NT5C1B: variants seen among roughly 807,000 people sequenced by gnomAD.
NT5C1B encodes the protein cytosolic 5'-nucleotidase 1B.
A neutral mutation model predicts 57.8 loss-of-function variants in NT5C1B; 44 were observed. The observed-to-expected ratio is 0.76, with a 90% CI of 0.60 to 0.98. The LOEUF (loss-of-function observed/expected upper bound fraction) is 0.98, where lower values mean the gene tolerates loss of function less well. Ranked by LOEUF, NT5C1B falls within the 50% of genes least tolerant of loss-of-function variation. The pLI, the probability that NT5C1B is intolerant of heterozygous loss-of-function variation, is 0.00. For missense variants in NT5C1B, 742 were observed against 719.5 expected (o/e 1.03, Z -0.36); for synonymous variants, 284 against 282.6 (o/e 1.00, Z -0.05).
At chr2:18,574,616 G>A (rs563123958) in intron 8 of NT5C1B, among the ~76,000 whole-genome samples, 1 of 152,238 alleles carries the variant, frequency 6.6e-6, no homozygotes, top group Admixed American at 6.5e-5. Context: ...TAGAGAAAAT[G>A]TGGGATAAGA....
chr2:18,582,973 G>C (rs1666313536), exon 6 of NT5C1B: 1 of 1,613,928 alleles, frequency 6.2e-7, no homozygotes, highest in South Asian at 1.1e-5. Flanking sequence ...AGATCACGGA[G>C]TCTAGCATTG....
rs372961856 is a variant in NT5C1B, at chr2:18,584,293, G to C, written c.724-38C>G. On this transcript the variant is annotated intron_variant, in intron 4 of 8. Transcript: ENST00000304081. The surrounding 1 kb of genome is among the most constrained non-coding windows in gnomAD (Gnocchi z 5.8). ...ACGCCAAAGGGAGGATAGTCACATA[G>C]CCACGAAGAGGACAGGGTTGGGGCT... 6.2e-7 allele frequency: 1 copy of C among 1,602,332 alleles called. No individual in the cohort carries two copies. Among genetic ancestry groups the C allele is most frequent in the African/African-American group, 1.3e-5 (1 of 74,870 alleles).
chr2:18,574,866 G>A (rs556234108), intron 8 of NT5C1B, among the ~76,000 whole-genome samples: 4 of 152,138 alleles, frequency 2.6e-5, no homozygotes, highest in African/African-American at 9.6e-5. Context: ...AGTGCTGGAT[G>A]TGTTTATTAC....
intron 1 of NT5C1B, 29 bp downstream of exon 1, chr2:18,589,410 C>T (rs1422860493): frequency 1.2e-6 from 2 of 1,614,076 alleles, no homozygotes; most frequent in Admixed American, 3.3e-5. Flanking sequence ...AGCCCCATGG[C>T]AAGATTCTAA....
Position 18,583,814 on chromosome 2 carries a change from G to T in NT5C1B, c.891+274C>A. 3 of 628,342 alleles carry T rather than the reference G, an allele frequency of 4.8e-6. No homozygotes were observed. The Admixed American group carries it at 6.4e-5, about 13-fold the overall frequency. The allele number at this position is 628,342 out of a possible 1,614,324, so 38.9% of individuals were successfully genotyped here. A position where few individuals can be genotyped will look rare whatever the true frequency, so the allele number is the denominator to read the frequency against. On this transcript the variant is annotated intron_variant, in intron 5 of 8. Coordinates refer to ENST00000304081, the Ensembl canonical transcript of NT5C1B. ...CATTATGGCTTCTTAGCACTCCTTC[G>T]AGGGAGAGAGGTTTCTGTTACAAGT...
chr2:18,564,921 A>G (rs1316053680), intron 8 of NT5C1B, among the ~76,000 whole-genome samples: 1 of 152,152 alleles, frequency 6.6e-6, no homozygotes, highest in Admixed American at 6.5e-5. Flanking sequence ...AACCTTTTAT[A>G]GTACCCTCAG....
In NT5C1B at chr2:18,573,024, A is replaced by G. The variant is rs142182586; in HGVS notation, c.1329+3160T>C. ...AATGTTTAAAAGTAGCTTCATTTAT[A>G]AATGTCAAAGACTAGAAATGACCTA... On this transcript the variant is annotated intron_variant, in intron 8 of 8. Coordinates refer to ENST00000304081, the Ensembl canonical transcript of NT5C1B. Among the ~76,000 whole-genome samples, 279 of 152,314 alleles carry G rather than the reference A, an allele frequency of 1.8e-3. 1 individual carries two copies. The highest frequency in any genetic ancestry group is 6.5e-3 in the African/African-American group (270 of 41,574).
At position 18,586,237 on chromosome 2, in the gene NT5C1B, T is replaced by G; in HGVS notation, c.258+17A>C. On this transcript the variant is annotated intron_variant, in intron 3 of 8. Transcript: ENST00000304081. ...ATTATTCTATCATCTACTACTCCCT[T>G]TCATCTTTACCTCTACCTTAGCACT... The G allele has an allele frequency of 6.2e-7, 1 of 1,611,854 alleles. No homozygotes were observed. The highest frequency in any genetic ancestry group is 8.5e-7 in the Non-Finnish European group (1 of 1,178,958).
At chr2:18,588,082 T>A (rs996096755) in intron 1 of NT5C1B, among the ~76,000 whole-genome samples, 1 of 152,206 alleles carries the variant, frequency 6.6e-6, no homozygotes, top group Non-Finnish European at 1.5e-5. Context: ...CTTAATCTCA[T>A]ACAAATTTAT....
At chr2:18,569,638 AATTAAG>A (rs1422643799) in intron 8 of NT5C1B, among the ~76,000 whole-genome samples, 4 of 152,098 alleles carry the variant, frequency 2.6e-5, no homozygotes, top group African/African-American at 7.2e-5. Context: ...AAAAGATATT[AATTAAG>A]ATTAAGACAA....
At chr2:18,589,519 A>G in exon 1 of NT5C1B, 1 of 1,613,474 alleles carries the variant, frequency 6.2e-7, no homozygotes, top group Non-Finnish European at 8.5e-7. Context: ...TTGTCTCCCC[A>G]GCTCCATTTC....
chr2:18,564,183 C>CAGAG (rs550046673), intron 8 of NT5C1B, 64 bp from the exon 9 acceptor site: 2 of 1,493,822 alleles, frequency 1.3e-6, no homozygotes, highest in Non-Finnish European at 1.8e-6. Flanking sequence ...TGCTAAAAAG[C>CAGAG]AGAGACCTAT....
Position 18,584,743 on chromosome 2 carries a change from C to G in NT5C1B, c.494G>C (p.Arg165Pro). Residue 165 changes from arginine (R) to proline (P), a missense_variant, in exon 4 of 9, where the codon CGC becomes CCC. Transcript: ENST00000304081. This position sits in a 1 kb window ranked among gnomAD's most constrained non-coding sequence, Gnocchi z 5.8. ...CAGCGGCTGCGAGTCCCGGGTCTGGCGGATTTCCCGCACGATGCCTTGGGC... is the reference window on the plus strand; with the variant it reads ...CAGCGGCTGCGAGTCCCGGGTCTGGGGGATTTCCCGCACGATGCCTTGGGC... The G allele has an allele frequency of 2.5e-6, 4 of 1,613,304 alleles. No individual in the cohort carries two copies. Among genetic ancestry groups the G allele is most frequent in the Non-Finnish European group, 3.4e-6 (4 of 1,179,646 alleles).
At position 18,572,528 on chromosome 2, in the gene NT5C1B, A is replaced by G. The variant is rs187487589; in HGVS notation, c.1329+3656T>C. On this transcript the variant is annotated intron_variant, in intron 8 of 8. Transcript: ENST00000304081. ...TGAAAGACAAGCACAGGCTGAGAGA[A>G]GATATTTGTAAAACACACACCTGAT... Among the ~76,000 whole-genome samples the G allele has an allele frequency of 1.2e-3, 182 of 152,342 alleles. 2 individuals carry two copies. The highest frequency in any genetic ancestry group is 4.1e-3 in the African/African-American group (172 of 41,586).
chr2:18,584,694 G>A lies in NT5C1B; in HGVS notation c.543C>T (p.Thr181=). The stretch of plus-strand genomic sequence containing the variant: ...TGCGCTGGCTGGAGGACTTCCACTC[G>A]GTGGGGGACGTGCGCGAATATTCCA... Residue 181 remains threonine, a synonymous_variant, in exon 4 of 9, where the codon ACC becomes ACT. Transcript: ENST00000304081. The surrounding 1 kb of genome is among the most constrained non-coding windows in gnomAD (Gnocchi z 5.8). The A allele has an allele frequency of 6.2e-7, 1 of 1,612,072 alleles. No homozygotes were observed. The highest frequency in any genetic ancestry group is 1.7e-5 in the Admixed American group (1 of 59,888).
At position 18,565,116 on chromosome 2, in the gene NT5C1B, A is replaced by G. The variant is rs190332361; in HGVS notation, c.1330-997T>C. The stretch of plus-strand genomic sequence containing the variant: ...CATTTTGTTTTATTTCTGTTTATCA[A>G]GTTTACATTTCATCCTTTGATTGGC... On this transcript the variant is annotated intron_variant, in intron 8 of 8. Coordinates refer to ENST00000304081, the Ensembl canonical transcript of NT5C1B. Among the ~76,000 whole-genome samples the G allele has an allele frequency of 3.5e-3, 527 of 152,210 alleles. 4 individuals carry two copies. Among genetic ancestry groups the G allele is most frequent in the African/African-American group, 0.012 (507 of 41,540 alleles).
At chr2:18,575,663 A>G (rs549870243) in intron 8 of NT5C1B, among the ~76,000 whole-genome samples, 1 of 152,162 alleles carries the variant, frequency 6.6e-6, no homozygotes, top group African/African-American at 2.4e-5. Flanking sequence ...ATCCAAAACA[A>G]TCTAAATATT....
intron 6 of NT5C1B, among the ~76,000 whole-genome samples, chr2:18,581,123 C>CA (rs1243099805): frequency 6.6e-6 from 1 of 151,914 alleles, no homozygotes; most frequent in Admixed American, 6.6e-5. Context: ...GTAACAATTA[C>CA]AAAAAAACAC....
At chr2:18,579,833 A>G (rs1457882218) in intron 6 of NT5C1B, among the ~76,000 whole-genome samples, 2 of 152,228 alleles carry the variant, frequency 1.3e-5, no homozygotes, top group Admixed American at 6.5e-5. Flanking sequence ...AGAAACTATC[A>G]ACAGAGTAAA....
Sources: gnomAD v4.1 joint callset for allele counts (sites outside exome capture counted in the v4.1 genomes callset) on GRCh38, gnomAD v4.1.1 for gene constraint, Gnocchi (gnomAD v3.1) non-coding constraint, MANE v1.5 for transcripts, NCBI Gene and HGNC (gene_info 2026-07-23, HGNC 2026-07-21) for gene names.